SH3GL2: variants seen among roughly 807,000 people sequenced by gnomAD.
SH3GL2 encodes SH3 domain containing GRB2 like 2, endophilin A1.
A neutral mutation model predicts 46.0 loss-of-function variants in SH3GL2; 24 were observed. That is an observed-to-expected ratio of 0.52 (90% confidence interval 0.38 to 0.73). The LOEUF is 0.73. Ranked by LOEUF, SH3GL2 falls within the 30% of genes least tolerant of loss-of-function variation. The probability of loss-of-function intolerance (pLI) is 0.00; values close to 1 mark genes in which losing one functional copy is unlikely to be tolerated. For missense variants in SH3GL2, 413 were observed against 424.2 expected (o/e 0.97, Z 0.23); for synonymous variants, 196 against 147.1 (o/e 1.33, Z -2.40).
At chr9:17,731,337 C>T (rs943007828) in intron 1 of SH3GL2, among the ~76,000 whole-genome samples, 18 of 150,474 alleles carry the variant, frequency 1.2e-4, no homozygotes, top group African/African-American at 2.7e-4. Flanking sequence ...TATATGAGTT[C>T]GTGAGGGTAG....
Position 17,705,390 on chromosome 9 carries a change from G to A in SH3GL2, c.46-41676G>A, listed in dbSNP as rs115695117. 5.9e-3 allele frequency among the ~76,000 whole-genome samples: 889 copies of A among 151,902 alleles called. 8 individuals carry two copies. Among genetic ancestry groups the A allele is most frequent in the African/African-American group, 0.02 (845 of 41,454 alleles). Reference sequence around the variant, plus strand: ...CACTCAACCCAGCAATCCCATATTGGGTATATTCCTAAAGGAATATAAATC... The same window carrying A: ...CACTCAACCCAGCAATCCCATATTGAGTATATTCCTAAAGGAATATAAATC... On this transcript the variant is annotated intron_variant, in intron 1 of 8. Coordinates refer to ENST00000380607, the MANE Select transcript of SH3GL2 (RefSeq NM_003026.5).
chr9:17,626,990 C>T (rs1025040843), intron 1 of SH3GL2, among the ~76,000 whole-genome samples: 3 of 152,172 alleles, frequency 2.0e-5, no homozygotes, highest in Non-Finnish European at 2.9e-5. Flanking sequence ...TTAACCTCCA[C>T]TTTCTGTCAG....
At chr9:17,688,652 A>C (rs1225348960) in intron 1 of SH3GL2, among the ~76,000 whole-genome samples, 1 of 151,994 alleles carries the variant, frequency 6.6e-6, no homozygotes, top group Admixed American at 6.6e-5. Flanking sequence ...AGGGGTGCTA[A>C]AGAATAAAAA....
chr9:17,766,310 A>G (rs188534515), intron 3 of SH3GL2, among the ~76,000 whole-genome samples: 3 of 152,354 alleles, frequency 2.0e-5, no homozygotes, highest in African/African-American at 7.2e-5. Context: ...TTGAACTGCA[A>G]TAGCATGAAC....
At chr9:17,670,211 C>T (rs1820439787) in intron 1 of SH3GL2, among the ~76,000 whole-genome samples, 1 of 152,156 alleles carries the variant, frequency 6.6e-6, no homozygotes, top group African/African-American at 2.4e-5. Flanking sequence ...CCCCAGCTAG[C>T]CCTTTCTGTC....
At chr9:17,728,733 T>G (rs540541481) in intron 1 of SH3GL2, among the ~76,000 whole-genome samples, 3 of 152,320 alleles carry the variant, frequency 2.0e-5, no homozygotes, top group African/African-American at 7.2e-5. Context: ...GTGTTTGGTT[T>G]TCTGTTCTAG....
intron 1 of SH3GL2, among the ~76,000 whole-genome samples, chr9:17,613,485 T>A (rs1818914495): frequency 6.6e-6 from 1 of 152,184 alleles, no homozygotes; most frequent in Non-Finnish European, 1.5e-5. Context: ...CCCCAAGCAG[T>A]CTGTTCCCTG....
intron 1 of SH3GL2, among the ~76,000 whole-genome samples, chr9:17,738,518 G>T (rs12003964): frequency 0.084 from 11,015 of 131,426 alleles, 1,353 homozygotes; most frequent in African/African-American, 0.25. Context: ...ATACATATGT[G>T]TGTGTATATA....
At chr9:17,635,955 G>T (rs957751092) in intron 1 of SH3GL2, among the ~76,000 whole-genome samples, 44 of 152,162 alleles carry the variant, frequency 2.9e-4, no homozygotes, top group African/African-American at 1.0e-3. Flanking sequence ...GGTCCTAAAT[G>T]CAGTGTCCAA....
chr9:17,750,895 C>A (rs1822821408), intron 2 of SH3GL2, among the ~76,000 whole-genome samples: 1 of 152,182 alleles, frequency 6.6e-6, no homozygotes, highest in Non-Finnish European at 1.5e-5. Flanking sequence ...GTACGTAAAT[C>A]AGTACCTTAC....
At chr9:17,582,501 A>G (rs1818296109) in intron 1 of SH3GL2, among the ~76,000 whole-genome samples, 1 of 152,224 alleles carries the variant, frequency 6.6e-6, no homozygotes, top group Admixed American at 6.5e-5. Flanking sequence ...TTAGTTAAAA[A>G]TAGCTGTTTC....
intron 2 of SH3GL2, chr9:17,755,721 T>C: frequency 1.1e-6 from 1 of 936,848 alleles, no homozygotes; most frequent in South Asian, 4.9e-5. Flanking sequence ...TGGTATCTAA[T>C]AGTATGAAAT....
intron 1 of SH3GL2, among the ~76,000 whole-genome samples, chr9:17,667,211 G>A (rs975364842): frequency 2.0e-5 from 3 of 151,954 alleles, no homozygotes; most frequent in Non-Finnish European, 4.4e-5. Flanking sequence ...TTTTGATTGG[G>A]ATATAATTCA....
chr9:17,759,983 A>G (rs1385649654), intron 2 of SH3GL2, among the ~76,000 whole-genome samples: 1 of 152,164 alleles, frequency 6.6e-6, no homozygotes, highest in Non-Finnish European at 1.5e-5. Context: ...GGCATAAGAC[A>G]TTCTATGACT....
rs368091673 is a variant in SH3GL2 at position 17,668,093 on chromosome 9, C to T, written c.46-78973C>T. ...TCTCCCATTCTATGGGTTGTCTTTT[C>T]ATGTTCTTGATGATGTTCTTTGAAA... On this transcript the variant is annotated intron_variant, in intron 1 of 8. Coordinates refer to ENST00000380607, the MANE Select transcript of SH3GL2 (RefSeq NM_003026.5). 4.1e-4 allele frequency among the ~76,000 whole-genome samples: 62 copies of T among 152,210 alleles called. 1 individual carries two copies. In the South Asian group the frequency reaches 0.013, roughly 31 times the overall value.
chr9:17,676,892 T>C (rs1161435153), intron 1 of SH3GL2, among the ~76,000 whole-genome samples: 1 of 152,220 alleles, frequency 6.6e-6, no homozygotes, highest in African/African-American at 2.4e-5. Context: ...CTCTTCTCCA[T>C]AATACTGCTT....
chr9:17,640,005 A>G (rs1819636810), intron 1 of SH3GL2, among the ~76,000 whole-genome samples: 2 of 152,162 alleles, frequency 1.3e-5, no homozygotes, highest in South Asian at 4.1e-4. Context: ...AGAAAGTACC[A>G]GGAAACTTTT....
chr9:17,738,607 G>A (rs1291367955), intron 1 of SH3GL2, among the ~76,000 whole-genome samples: 3 of 86,000 alleles, frequency 3.5e-5, no homozygotes, highest in African/African-American at 8.0e-5. Flanking sequence ...TTTATTTCAA[G>A]GAATTGCCTC....
intron 5 of SH3GL2, among the ~76,000 whole-genome samples, chr9:17,788,794 G>C (rs991838047): frequency 2.6e-5 from 4 of 152,096 alleles, no homozygotes; most frequent in African/African-American, 9.7e-5. Context: ...AGTTTCTCTG[G>C]TGACAGCTGC....
Sources: gnomAD v4.1 joint callset for allele counts (sites outside exome capture counted in the v4.1 genomes callset) on GRCh38, gnomAD v4.1.1 for gene constraint, MANE v1.5 for transcripts, NCBI Gene and HGNC (gene_info 2026-07-23, HGNC 2026-07-21) for gene names.